The following CYLD variants were observed in gnomAD, a reference collection of about 807,000 sequenced individuals.
The protein encoded by CYLD is CYLD lysine 63 deubiquitinase.
Under a neutral mutation model 104.5 loss-of-function variants are expected in CYLD, and 26 were observed. The observed-to-expected ratio is 0.25, with a 90% confidence interval of 0.18 to 0.35. CYLD has a LOEUF of 0.35. Ranked by LOEUF, CYLD falls within the 10% of genes least tolerant of loss-of-function variation. The pLI, the probability that CYLD is intolerant of heterozygous loss-of-function variation, is 1.00. For missense variants in CYLD, 703 were observed against 1,136.1 expected, an observed-to-expected ratio of 0.62 and a Z score of 5.48; for synonymous variants, 385 against 399.9, an observed-to-expected ratio of 0.96 and a Z score of 0.45.
intron 14 of CYLD, among the ~76,000 whole-genome samples, chr16:50,788,068 A>G (rs1044401496): frequency 2.6e-5 from 4 of 152,242 alleles, no homozygotes; most frequent in African/African-American, 7.2e-5. Flanking sequence ...GTAAATTTAT[A>G]CTACAATTTT....
intron 5 of CYLD, among the ~76,000 whole-genome samples, chr16:50,771,939 A>G (rs1312974336): frequency 6.6e-6 from 1 of 152,090 alleles, no homozygotes; most frequent in Non-Finnish European, 1.5e-5. Context: ...TGCCCATACC[A>G]CAGTCTCGAT....
intron 5 of CYLD, among the ~76,000 whole-genome samples, chr16:50,771,698 A>G (rs906179639): frequency 6.6e-6 from 1 of 152,220 alleles, no homozygotes; most frequent in Non-Finnish European, 1.5e-5. Context: ...TACTTTTTAC[A>G]TTTAAGTCTA....
intron 5 of CYLD, among the ~76,000 whole-genome samples, chr16:50,772,273 A>C (rs1446525110): frequency 2.0e-5 from 3 of 152,186 alleles, no homozygotes; most frequent in African/African-American, 7.2e-5. Flanking sequence ...TCAAGAAGAA[A>C]ACCCAGAGGG....
At position 50,797,520 on chromosome 16, in the gene CYLD, T is replaced by A. The variant is rs561730089; in HGVS notation, c.*1012T>A. ...AGAATCAGATATGTTATCGAAATGT[T>A]AGCAGCAGCTTCATCCTCCTTCTGA... On this transcript the variant is annotated 3_prime_UTR_variant, in exon 19 of 19. Transcript: ENST00000427738. 4.3e-6 allele frequency: 1 copy of A among 232,560 alleles called. No individual in the cohort carries two copies. The highest frequency in any genetic ancestry group is 2.2e-5 in the African/African-American group (1 of 45,418). 14.4% of individuals were successfully genotyped at this position (232,560 alleles called of 1,614,324 possible).
intron 12 of CYLD, chr16:50,786,618 G>A (rs980271220): frequency 5.8e-5 from 25 of 429,842 alleles, no homozygotes; most frequent in Non-Finnish European, 8.9e-5. Context: ...AAATTAGCTG[G>A]ATGTGGTGGT....
rs960063198 is a variant in CYLD, at chr16:50,794,594, G to C, written c.2686+166G>C. 1.9e-5 allele frequency: 14 copies of C among 723,454 alleles called. No homozygotes were observed. Among genetic ancestry groups the C allele is most frequent in the African/African-American group, 1.8e-4 (10 of 56,574 alleles). 44.8% of individuals were successfully genotyped at this position (723,454 alleles called of 1,614,324 possible). On this transcript the variant is annotated intron_variant, in intron 18 of 18. Coordinates refer to ENST00000427738, the MANE Select transcript of CYLD (RefSeq NM_001378743.1). This position sits in a 1 kb window ranked among gnomAD's most constrained non-coding sequence, Gnocchi z 4.1. ...TTGGATTGCATTAACAACCTTGCTA[G>C]CTGAACTAAGGAATAATATGCTGTG...
intron 5 of CYLD, among the ~76,000 whole-genome samples, chr16:50,756,562 A>G (rs1248333226): frequency 1.3e-5 from 2 of 152,220 alleles, no homozygotes; most frequent in Admixed American, 1.3e-4. Context: ...TTCTGTTGAT[A>G]ACAGCATCAA....
intron 6 of CYLD, 122 bp from the exon 7 acceptor site, chr16:50,776,057 T>G (rs1056375581): frequency 4.1e-6 from 3 of 735,082 alleles, no homozygotes; most frequent in Non-Finnish European, 4.8e-6. Flanking sequence ...AAAAGGCATT[T>G]GTAAAACTAA....
At chr16:50,785,603 C>A (rs1251944612) in intron 12 of CYLD, 1 of 152,202 alleles carries the variant, frequency 6.6e-6, no homozygotes, top group Admixed American at 6.5e-5. Context: ...CATGTTAACA[C>A]CTCCTTCCTA....
chr16:50,781,130 G>A lies in CYLD; in HGVS notation c.1519-116G>A, dbSNP rs1342858944. 6.5e-6 allele frequency: 7 copies of A among 1,084,490 alleles called. No individual in the cohort carries two copies. In the East Asian group the frequency reaches 1.2e-4, roughly 18 times the overall value. The allele number at this position is 1,084,490 out of a possible 1,614,324, so 67.2% of individuals were successfully genotyped here. A position where few individuals can be genotyped will look rare whatever the true frequency, so the allele number is the denominator to read the frequency against. On this transcript the variant is annotated intron_variant, in intron 9 of 18. Transcript: ENST00000427738. ...TCTTGATGAGGTTCTCAGTACAGGTGCGAAGAGGGAGTGGTGAGAAAGGGT... is the reference window on the plus strand; with the variant it reads ...TCTTGATGAGGTTCTCAGTACAGGTACGAAGAGGGAGTGGTGAGAAAGGGT...
intron 6 of CYLD, 92 bp downstream of exon 6, chr16:50,775,266 T>C: frequency 1.0e-6 from 1 of 970,636 alleles, no homozygotes; most frequent in East Asian, 2.5e-5. Flanking sequence ...CTACATTCCC[T>C]TGATCAGTAT....
intron 14 of CYLD, among the ~76,000 whole-genome samples, chr16:50,791,058 C>T (rs1971386770): frequency 6.6e-6 from 1 of 152,206 alleles, no homozygotes; most frequent in African/African-American, 2.4e-5. Flanking sequence ...TTACCCAGCT[C>T]TGCTTTTGAC....
At chr16:50,743,492 T>C (rs1305232968) in intron 2 of CYLD, among the ~76,000 whole-genome samples, 1 of 152,208 alleles carries the variant, frequency 6.6e-6, no homozygotes, top group African/African-American at 2.4e-5. Context: ...GTGGTAACTT[T>C]TGTGAGAAGC....
At chr16:50,783,424 G>T (rs1229798061) in intron 11 of CYLD, among the ~76,000 whole-genome samples, 3 of 152,120 alleles carry the variant, frequency 2.0e-5, no homozygotes, top group Non-Finnish European at 4.4e-5. Context: ...TTTATTTGCA[G>T]AATACTTTGA....
At chr16:50,742,400 T>G in intron 1 of CYLD, 2 of 164,826 alleles carry the variant, frequency 1.2e-5, no homozygotes, top group Non-Finnish European at 2.5e-5. Context: ...TCAGCCCGGG[T>G]TTCCCCCCCC....
rs184127804 is a variant in CYLD, at chr16:50,768,803, C to T, written c.914-6363C>T. ...AATGCTGTTTTTTTGACGATCTCTA[C>T]GATCAAGATAGTGAACATATCCATC... On this transcript the variant is annotated intron_variant, in intron 5 of 18. Coordinates refer to ENST00000427738, the MANE Select transcript of CYLD (RefSeq NM_001378743.1). 1.6e-4 allele frequency among the ~76,000 whole-genome samples: 24 copies of T among 152,212 alleles called. No homozygotes were observed. The East Asian group carries it at 3.5e-3, about 22-fold the overall frequency.
intron 5 of CYLD, among the ~76,000 whole-genome samples, chr16:50,758,993 C>T (rs1967599254): frequency 6.6e-6 from 1 of 152,134 alleles, no homozygotes; most frequent in Non-Finnish European, 1.5e-5. Flanking sequence ...AATCTCAGCA[C>T]TTTAGGAAGC....
chr16:50,784,968 T>C (rs1970657877), intron 12 of CYLD: 1 of 154,140 alleles, frequency 6.5e-6, no homozygotes, highest in Admixed American at 6.4e-5. Flanking sequence ...TTGGCCTCTT[T>C]CCACCTGCCT....
At chr16:50,748,191 G>A (rs2150890345) in intron 2 of CYLD, among the ~76,000 whole-genome samples, 1 of 152,260 alleles carries the variant, frequency 6.6e-6, no homozygotes, top group South Asian at 2.1e-4. Context: ...TGAAATGAAA[G>A]TACTGTCTTT....
Sources: allele counts gnomAD v4.1 joint callset (sites outside exome capture counted in the v4.1 genomes callset), GRCh38; gene constraint gnomAD v4.1.1; non-coding constraint Gnocchi (gnomAD v3.1); transcripts MANE v1.5; gene names NCBI Gene and HGNC (gene_info 2026-07-23, HGNC 2026-07-21).